Variants in AP3B1 observed in about 807,000 individuals in gnomAD.
The protein encoded by AP3B1 is adaptor related protein complex 3 subunit beta 1.
AP3B1 carries 61 observed loss-of-function variants against 132.5 expected under a neutral mutation model. That is an observed-to-expected ratio of 0.46 (90% confidence interval 0.37 to 0.57). The LOEUF is 0.57. Ranked by LOEUF, AP3B1 falls within the 20% of genes least tolerant of loss-of-function variation. The pLI, the probability that AP3B1 is intolerant of heterozygous loss-of-function variation, is 0.00. For synonymous variants in AP3B1, 388 were observed against 438.3 expected (o/e 0.89, Z 1.43); for missense variants, 1,120 against 1,289.4 (o/e 0.87, Z 2.01).
At chr5:78,205,068 T>C (rs1012929807) in intron 7 of AP3B1, among the ~76,000 whole-genome samples, 6 of 152,198 alleles carry the variant, frequency 3.9e-5, no homozygotes, top group African/African-American at 1.2e-4. Context: ...ACAACTTATC[T>C]GTTTCTCTTG....
At chr5:78,163,867 G>A (rs1202638885) in intron 12 of AP3B1, among the ~76,000 whole-genome samples, 1 of 151,538 alleles carries the variant, frequency 6.6e-6, no homozygotes, top group Admixed American at 6.6e-5. Flanking sequence ...AAATTTGAAA[G>A]GTCATTTACA....
chr5:78,182,537 A>G lies in AP3B1; in HGVS notation c.787-875T>C, dbSNP rs570819481. On this transcript the variant is annotated intron_variant, in intron 7 of 26. Coordinates refer to ENST00000255194, the MANE Select transcript of AP3B1 (RefSeq NM_003664.5). ...GGAACCTCAAGATCCAAAGAAAGAC[A>G]GACCAGTGAGTTCCCTGGGTTTTCT... Among the ~76,000 whole-genome samples the G allele has an allele frequency of 3.3e-5, 5 of 152,348 alleles. No homozygotes were observed. In the South Asian group the frequency reaches 1.0e-3, roughly 32 times the overall value.
At chr5:78,267,651 T>C (rs962055084) in intron 1 of AP3B1, 56 bp from the exon 2 acceptor site, 4 of 1,033,670 alleles carry the variant, frequency 3.9e-6, no homozygotes, top group Non-Finnish European at 5.9e-6. Flanking sequence ...TTAGATAGCT[T>C]AAAATATATC....
chr5:78,058,700 C>T (rs550324064), intron 22 of AP3B1, among the ~76,000 whole-genome samples: 5 of 152,308 alleles, frequency 3.3e-5, no homozygotes, highest in South Asian at 2.1e-4. Flanking sequence ...GCCTCAAATA[C>T]GAATTGCTTC....
In AP3B1 at chr5:78,222,000, C is replaced by A. The variant is rs576786816; in HGVS notation, c.603+3542G>T. ...AACAAGGCAAGAATGCCCACCATCT[C>A]CACTACTATTGAACACAACTGTAGT... On this transcript the variant is annotated intron_variant, in intron 6 of 26. Coordinates refer to ENST00000255194, the MANE Select transcript of AP3B1 (RefSeq NM_003664.5). Among the ~76,000 whole-genome samples, 144 of 152,218 alleles carry A rather than the reference C, an allele frequency of 9.5e-4. No homozygotes were observed. The Middle Eastern group carries it at 0.014, about 14-fold the overall frequency.
chr5:78,005,800 C>T (rs555775918), intron 26 of AP3B1, among the ~76,000 whole-genome samples: 1 of 152,156 alleles, frequency 6.6e-6, no homozygotes, highest in East Asian at 1.9e-4. Context: ...AAGGCAAAAA[C>T]CACTACCCCA....
At chr5:78,252,289 C>T (rs1465276464) in intron 2 of AP3B1, among the ~76,000 whole-genome samples, 3 of 152,118 alleles carry the variant, frequency 2.0e-5, no homozygotes, top group Non-Finnish European at 4.4e-5. Flanking sequence ...AAAACTCCTG[C>T]TTGAGAACAG....
At chr5:78,000,903 C>T (rs908442394), downstream of AP3B1, 3 of 151,970 alleles carry the variant, frequency 2.0e-5, no homozygotes, top group Non-Finnish European at 2.9e-5. Flanking sequence ...TTCTGTTTTA[C>T]GTGAAAAACA....
chr5:78,065,596 C>T (rs188748164), intron 22 of AP3B1, among the ~76,000 whole-genome samples: 1 of 152,296 alleles, frequency 6.6e-6, no homozygotes, highest in African/African-American at 2.4e-5. Context: ...TTCCTCCTCA[C>T]TGAGCTGGGC....
intron 12 of AP3B1, among the ~76,000 whole-genome samples, chr5:78,165,309 C>A (rs1299213461): frequency 6.6e-6 from 1 of 151,984 alleles, no homozygotes; most frequent in Non-Finnish European, 1.5e-5. Context: ...ATAGAAAGGA[C>A]TATTGATGCT....
At chr5:78,074,693 A>G (rs750213545) in intron 22 of AP3B1, among the ~76,000 whole-genome samples, 3 of 152,194 alleles carry the variant, frequency 2.0e-5, no homozygotes, top group Non-Finnish European at 2.9e-5. Context: ...TCATGCCTGT[A>G]ATCCCACCAC....
In AP3B1 at chr5:78,044,112, G is replaced by A. The variant is rs370621635; in HGVS notation, c.2578-4838C>T. ...TGAAAGGCAAGTTTCCAGCTCCTCC[G>A]CTCCACGTGCACTTTCTCAGGCATC... is the stretch of plus-strand genomic sequence containing the variant. On this transcript the variant is annotated intron_variant, in intron 22 of 26. Coordinates refer to ENST00000255194, the MANE Select transcript of AP3B1 (RefSeq NM_003664.5). 1.3e-4 allele frequency: 41 copies of A among 311,486 alleles called. 1 individual carries two copies. The highest frequency in any genetic ancestry group is 2.7e-4 in the South Asian group (8 of 29,144). 19.3% of individuals were successfully genotyped at this position (311,486 alleles called of 1,614,324 possible). A position where few individuals can be genotyped will look rare whatever the true frequency, so the allele number is the denominator to read the frequency against.
intron 7 of AP3B1, among the ~76,000 whole-genome samples, chr5:78,206,133 T>A (rs1452012896): frequency 3.3e-5 from 5 of 152,186 alleles, no homozygotes; most frequent in African/African-American, 1.2e-4. Flanking sequence ...CAGCCTGAAG[T>A]ATTTCCTAAT....
intron 7 of AP3B1, among the ~76,000 whole-genome samples, chr5:78,206,863 T>C (rs1189954420): frequency 1.3e-5 from 2 of 152,220 alleles, no homozygotes; most frequent in Non-Finnish European, 2.9e-5. Flanking sequence ...GGCTCACGCC[T>C]GTAATCCCAG....
chr5:78,240,768 T>A, intron 3 of AP3B1, 94 bp downstream of exon 3: 1 of 828,204 alleles, frequency 1.2e-6, no homozygotes, highest in Non-Finnish European at 2.0e-6. Flanking sequence ...AATCTAGTGA[T>A]ACTTAAGTAT....
intron 7 of AP3B1, among the ~76,000 whole-genome samples, chr5:78,188,316 A>G (rs559834976): frequency 1.4e-4 from 22 of 152,322 alleles, no homozygotes; most frequent in African/African-American, 5.1e-4. Flanking sequence ...ATGGGAGAAC[A>G]TTTTTGTAAT....
intron 22 of AP3B1, among the ~76,000 whole-genome samples, chr5:78,077,704 C>T: frequency 6.6e-6 from 1 of 152,194 alleles, no homozygotes; most frequent in East Asian, 1.9e-4. Flanking sequence ...CTACTCCAGC[C>T]ACCTAGGCAA....
At chr5:78,078,103 A>T (rs191735889) in intron 22 of AP3B1, among the ~76,000 whole-genome samples, 96 of 152,084 alleles carry the variant, frequency 6.3e-4, no homozygotes, top group African/African-American at 2.3e-3. Flanking sequence ...GTTGGCCCTA[A>T]TTTTTCACTA....
In AP3B1 at chr5:78,279,097, C is replaced by G. The variant is rs533305279; in HGVS notation, c.129-11502G>C. Among the ~76,000 whole-genome samples the G allele has an allele frequency of 2.0e-5, 3 of 152,130 alleles. No individual in the cohort carries two copies. In the East Asian group the frequency reaches 5.8e-4, roughly 29 times the overall value. Reference sequence around the variant, plus strand: ...CTTTTAAAATATACCAGGTGGAAAGCAAGATACATAGAGAATAGTATATAT... The same window carrying G: ...CTTTTAAAATATACCAGGTGGAAAGGAAGATACATAGAGAATAGTATATAT... On this transcript the variant is annotated intron_variant, in intron 1 of 26. Transcript: ENST00000255194.
Sources: gnomAD v4.1 joint callset for allele counts (sites outside exome capture counted in the v4.1 genomes callset) on GRCh38, gnomAD v4.1.1 for gene constraint, MANE v1.5 for transcripts, NCBI Gene and HGNC (gene_info 2026-07-23, HGNC 2026-07-21) for gene names.